PARD3B: variants seen among roughly 807,000 people sequenced by gnomAD.
The protein encoded by PARD3B is par-3 family cell polarity regulator beta.
PARD3B carries 103 observed loss-of-function variants against 130.2 expected under a neutral mutation model. The observed-to-expected ratio is 0.79, with a 90% confidence interval of 0.67 to 0.93. The LOEUF is 0.93. Ranked by LOEUF, PARD3B falls within the 40% of genes least tolerant of loss-of-function variation. PARD3B has a pLI of 0.00. For synonymous variants in PARD3B, 583 were observed against 553.2 expected (o/e 1.05, Z -0.76); for missense variants, 1,609 against 1,499.2 (o/e 1.07, Z -1.21).
intron 19 of PARD3B, among the ~76,000 whole-genome samples, chr2:205,412,044 C>T (rs541927380): frequency 1.2e-3 from 187 of 152,264 alleles, no homozygotes; most frequent in African/African-American, 3.4e-3. Flanking sequence ...GTGGCAACTC[C>T]GATCTGCTAA....
chr2:205,566,514 G>A (rs1268918647), intron 22 of PARD3B, among the ~76,000 whole-genome samples: 4 of 152,144 alleles, frequency 2.6e-5, no homozygotes, highest in Non-Finnish European at 1.5e-5. Context: ...CATGGGTGCT[G>A]GTCCCACTTC....
intron 19 of PARD3B, among the ~76,000 whole-genome samples, chr2:205,419,646 G>A (rs2046899321): frequency 1.3e-5 from 2 of 152,158 alleles, no homozygotes; most frequent in Admixed American, 6.5e-5. Context: ...TCTCAAGTTA[G>A]TAATTATCCC....
intron 19 of PARD3B, among the ~76,000 whole-genome samples, chr2:205,414,855 A>G (rs1292765918): frequency 2.0e-5 from 3 of 152,114 alleles, no homozygotes; most frequent in Non-Finnish European, 4.4e-5. Flanking sequence ...ACTTAAAGAT[A>G]TTTTCAGATC....
intron 16 of PARD3B, among the ~76,000 whole-genome samples, chr2:205,296,924 A>G (rs2041819564): frequency 6.6e-6 from 1 of 151,912 alleles, no homozygotes; most frequent in South Asian, 2.1e-4. Flanking sequence ...CACAATTTTA[A>G]GAGAAAATTT....
intron 20 of PARD3B, among the ~76,000 whole-genome samples, chr2:205,467,209 G>A (rs1230504929): frequency 6.6e-6 from 1 of 152,160 alleles, no homozygotes; most frequent in East Asian, 1.9e-4. Context: ...CACCACAAGA[G>A]CCATTTGTAA....
chr2:205,001,442 A>G (rs1181240687), intron 3 of PARD3B, among the ~76,000 whole-genome samples: 1 of 152,170 alleles, frequency 6.6e-6, no homozygotes, highest in Non-Finnish European at 1.5e-5. Context: ...ATACAACAGC[A>G]TTTATTTCCT....
intron 1 of PARD3B, among the ~76,000 whole-genome samples, chr2:204,643,281 C>T (rs1245215163): frequency 1.3e-5 from 2 of 151,864 alleles, no homozygotes; most frequent in Admixed American, 1.3e-4. Context: ...ATCTGTGAGT[C>T]AAACCTCTTT....
chr2:204,646,073 T>A (rs2035260901), intron 1 of PARD3B, among the ~76,000 whole-genome samples: 1 of 152,264 alleles, frequency 6.6e-6, no homozygotes, highest in Non-Finnish European at 1.5e-5. Context: ...TTTTGACATA[T>A]GTTCTTTCAA....
At chr2:204,642,420 C>A (rs1048913718) in intron 1 of PARD3B, among the ~76,000 whole-genome samples, 1 of 152,098 alleles carries the variant, frequency 6.6e-6, no homozygotes, top group African/African-American at 2.4e-5. Flanking sequence ...ATGATGTATC[C>A]TTTTTCTAGT....
chr2:204,718,459 T>G (rs2038840248), intron 2 of PARD3B, among the ~76,000 whole-genome samples: 1 of 152,028 alleles, frequency 6.6e-6, no homozygotes. Flanking sequence ...AAACCACCGC[T>G]TACAAAACCA....
chr2:204,697,688 T>C, intron 2 of PARD3B, among the ~76,000 whole-genome samples: 1 of 152,128 alleles, frequency 6.6e-6, no homozygotes, highest in East Asian at 1.9e-4. Flanking sequence ...ACAGTGTTGT[T>C]TGCTGACCTC....
Position 205,530,175 on chromosome 2 carries a change from G to A in PARD3B, c.3181-23149G>A, listed in dbSNP as rs1027515076. On this transcript the variant is annotated intron_variant, in intron 21 of 22. Transcript: ENST00000406610. The surrounding 1 kb of genome is among the most constrained non-coding windows in gnomAD (Gnocchi z 4.7). The stretch of plus-strand genomic sequence containing the variant: ...ACATCTAACCTTACAGCTGCAACTC[G>A]TGAAATAGTAAACCAAAAGTTCTCT... 4.6e-5 allele frequency among the ~76,000 whole-genome samples: 7 copies of A among 152,144 alleles called. No individual in the cohort carries two copies. Among genetic ancestry groups the A allele is most frequent in the Non-Finnish European group, 7.3e-5 (5 of 68,032 alleles).
rs538139337 is a variant in PARD3B, at chr2:204,546,580, C to T, written c.120+461C>T. On this transcript the variant is annotated intron_variant, in intron 1 of 22. Transcript: ENST00000406610. Reference sequence around the variant, plus strand: ...GTTAGAAAGTTGATTGTGCAAGTGACACATACTCGGAAGTTACAACTGATG... The same window carrying T: ...GTTAGAAAGTTGATTGTGCAAGTGATACATACTCGGAAGTTACAACTGATG... Among the ~76,000 whole-genome samples the T allele has an allele frequency of 5.9e-5, 9 of 152,274 alleles. No individual in the cohort carries two copies. In the East Asian group the frequency reaches 1.7e-3, roughly 29 times the overall value.
chr2:205,381,275 A>G (rs2045437329), intron 18 of PARD3B, among the ~76,000 whole-genome samples: 1 of 143,122 alleles, frequency 7.0e-6, no homozygotes, highest in Non-Finnish European at 1.5e-5. Context: ...ATATATGTGG[A>G]CATTTATTTG....
At chr2:204,976,661 G>A (rs1410711993) in intron 3 of PARD3B, among the ~76,000 whole-genome samples, 2 of 140,734 alleles carry the variant, frequency 1.4e-5, no homozygotes, top group Non-Finnish European at 3.0e-5. Context: ...AGGTTGGAGT[G>A]CAGTGGTGTG....
chr2:205,224,639 T>G lies in PARD3B; in HGVS notation c.2141-21139T>G, dbSNP rs149659652. ...TCTCCATGACTTCAGTTGTTTTAAT[T>G]TTTAGATCCCACAAAAAAAGTGAGA... On this transcript the variant is annotated intron_variant, in intron 15 of 22. Coordinates refer to ENST00000406610, the MANE Select transcript of PARD3B (RefSeq NM_001302769.2). Among the ~76,000 whole-genome samples, 359 of 151,192 alleles carry G rather than the reference T, an allele frequency of 2.4e-3. 2 individuals carry two copies. Among genetic ancestry groups the G allele is most frequent in the African/African-American group, 8.5e-3 (349 of 41,208 alleles).
chr2:205,173,011 TA>T (rs2035262691), intron 12 of PARD3B, among the ~76,000 whole-genome samples: 1 of 152,064 alleles, frequency 6.6e-6, no homozygotes, highest in Admixed American at 6.6e-5. Flanking sequence ...TAAAAATACC[TA>T]AAACATTATT....
chr2:205,412,648 C>G (rs2046639843), intron 19 of PARD3B, among the ~76,000 whole-genome samples: 1 of 152,152 alleles, frequency 6.6e-6, no homozygotes, highest in Non-Finnish European at 1.5e-5. Flanking sequence ...AATTTCCACC[C>G]CTGACCAATA....
At chr2:204,882,642 A>G (rs10167760) in intron 2 of PARD3B, among the ~76,000 whole-genome samples, 5,458 of 152,306 alleles carry the variant, frequency 0.036, 166 homozygotes, top group African/African-American at 0.068. Flanking sequence ...TCCTACTATT[A>G]GGATCTTTTC....
Sources: allele counts gnomAD v4.1 joint callset (sites outside exome capture counted in the v4.1 genomes callset), GRCh38; gene constraint gnomAD v4.1.1; non-coding constraint Gnocchi (gnomAD v3.1); transcripts MANE v1.5; gene names NCBI Gene and HGNC (gene_info 2026-07-23, HGNC 2026-07-21).